The following DAGLA variants were observed in gnomAD, a reference collection of about 807,000 sequenced individuals.
DAGLA encodes the protein diacylglycerol lipase-alpha.
DAGLA carries 22 observed loss-of-function variants against 102.6 expected under a neutral mutation model. That is an observed-to-expected ratio of 0.21 (90% confidence interval 0.15 to 0.31). DAGLA has a LOEUF of 0.31. DAGLA is among the 10% of genes least tolerant of loss of function. The probability of loss-of-function intolerance (pLI) is 1.00; values close to 1 mark genes in which losing one functional copy is unlikely to be tolerated. For missense variants in DAGLA, 927 were observed against 1,446.6 expected, an observed-to-expected ratio of 0.64 and a Z score of 5.83; for synonymous variants, 578 against 628.9, an observed-to-expected ratio of 0.92 and a Z score of 1.21.
intron 1 of DAGLA, among the ~76,000 whole-genome samples, chr11:61,693,098 C>T (rs1418415835): frequency 6.6e-6 from 1 of 151,158 alleles, no homozygotes. Context: ...TCAGTTCAAG[C>T]CATTCTCCTG....
chr11:61,685,809 C>T (rs1375090531), intron 1 of DAGLA, among the ~76,000 whole-genome samples: 3 of 126,378 alleles, frequency 2.4e-5, no homozygotes, highest in East Asian at 2.7e-4. Context: ...CTGGCAGCAA[C>T]GGGGGCGGGT....
chr11:61,698,991 C>T (rs578134132), intron 1 of DAGLA, among the ~76,000 whole-genome samples: 2 of 152,300 alleles, frequency 1.3e-5, no homozygotes, highest in East Asian at 1.9e-4. Flanking sequence ...GCATGCAGAC[C>T]GCCTGCAGAG....
intron 6 of DAGLA, among the ~76,000 whole-genome samples, chr11:61,726,543 C>T (rs976572012): frequency 6.6e-6 from 1 of 152,230 alleles, no homozygotes; most frequent in African/African-American, 2.4e-5. Flanking sequence ...CAGGGCACTG[C>T]AGAAGGAAGA....
At position 61,737,763 on chromosome 11, in the gene DAGLA, C is replaced by T. The variant is rs369542610; in HGVS notation, c.1583+8C>T. The T allele has an allele frequency of 2.0e-5, 32 of 1,613,350 alleles. No homozygotes were observed. The highest frequency in any genetic ancestry group is 2.7e-5 in the African/African-American group (2 of 74,886). ...CAAAGACCTCGTCCCCAGGTGAGTCCTTGGCCCCGCTCCATGGTCCCTTGC... is the reference window on the plus strand; with the variant it reads ...CAAAGACCTCGTCCCCAGGTGAGTCTTTGGCCCCGCTCCATGGTCCCTTGC... On this transcript the variant is annotated splice_region_variant and intron_variant, in intron 15 of 19. Transcript: ENST00000257215.
intron 1 of DAGLA, among the ~76,000 whole-genome samples, chr11:61,713,429 G>A (rs925552700): frequency 6.6e-6 from 1 of 152,180 alleles, no homozygotes; most frequent in Non-Finnish European, 1.5e-5. Context: ...GATGTGCGCC[G>A]AGACCTTGTA....
At chr11:61,707,430 G>A (rs1261465447) in intron 1 of DAGLA, among the ~76,000 whole-genome samples, 3 of 152,246 alleles carry the variant, frequency 2.0e-5, no homozygotes, top group African/African-American at 7.2e-5. Context: ...CCTCATCGTG[G>A]AGGCCTGTTC....
intron 1 of DAGLA, among the ~76,000 whole-genome samples, chr11:61,689,666 G>A (rs1265596701): frequency 1.9e-5 from 2 of 105,524 alleles, no homozygotes; most frequent in Non-Finnish European, 2.2e-5. Context: ...CACCACGCCC[G>A]GCTAATTTTT....
intron 2 of DAGLA, 151 bp from the exon 3 acceptor site, chr11:61,720,528 T>A: frequency 1.3e-6 from 1 of 762,154 alleles, no homozygotes; most frequent in Non-Finnish European, 2.2e-6. Context: ...TTCTAGGCAT[T>A]CGATGCCAGG....
In DAGLA at chr11:61,733,588, A is replaced by G. The variant is rs112348089; in HGVS notation, c.975-1261A>G. On this transcript the variant is annotated intron_variant, in intron 9 of 19. Coordinates refer to ENST00000257215, the MANE Select transcript of DAGLA (RefSeq NM_006133.3). ...GGGCTCCAGCGTCTGGTGCCTTAGCAGTTGGATGCTGGCTCCCTCTGGTGG... is the reference window on the plus strand; with the variant it reads ...GGGCTCCAGCGTCTGGTGCCTTAGCGGTTGGATGCTGGCTCCCTCTGGTGG... Among the ~76,000 whole-genome samples the G allele has an allele frequency of 1.2e-3, 188 of 152,324 alleles. 2 individuals are homozygous for G. Among genetic ancestry groups the G allele is most frequent in the African/African-American group, 4.3e-3 (179 of 41,588 alleles).
intron 1 of DAGLA, among the ~76,000 whole-genome samples, chr11:61,717,438 G>A (rs1213054953): frequency 1.3e-5 from 2 of 152,136 alleles, no homozygotes; most frequent in Non-Finnish European, 2.9e-5. Flanking sequence ...GGGGTGGCTG[G>A]TCCAGCAAGG....
In DAGLA at chr11:61,734,840, C is replaced by A; in HGVS notation, c.975-9C>A. The A allele has an allele frequency of 6.2e-7, 1 of 1,609,156 alleles. No homozygotes were observed. Among genetic ancestry groups the A allele is most frequent in the Non-Finnish European group, 8.5e-7 (1 of 1,176,196 alleles). On this transcript the variant is annotated splice_polypyrimidine_tract_variant and intron_variant, in intron 9 of 19. Transcript: ENST00000257215. The surrounding 1 kb of genome is among the most constrained non-coding windows in gnomAD (Gnocchi z 4.2). The stretch of plus-strand genomic sequence containing the variant: ...CCTGGCCCTGAACTCTCTTGTCACC[C>A]CACCCTAGGTGTTGCCTGTGTCCTG...
chr11:61,713,376 A>G (rs580089), intron 1 of DAGLA, among the ~76,000 whole-genome samples: 121,411 of 152,180 alleles, frequency 0.8, 51,039 homozygotes, highest in East Asian at 0.98. Context: ...ACCTCACAGA[A>G]CTGTTATGAG....
intron 4 of DAGLA, 95 bp downstream of exon 4, chr11:61,723,055 G>A: frequency 1.9e-6 from 2 of 1,036,140 alleles, no homozygotes; most frequent in Non-Finnish European, 3.0e-6. Flanking sequence ...CATTGCCAGA[G>A]GGCAGTGCCT....
chr11:61,719,706 C>A (rs184501516), intron 1 of DAGLA, among the ~76,000 whole-genome samples: 1 of 152,212 alleles, frequency 6.6e-6, no homozygotes, highest in African/African-American at 2.4e-5. Context: ...CTGGGAAGCC[C>A]CTCCCTTGAC....
rs2065468597 is a variant in DAGLA at position 61,740,523 on chromosome 11, T to C, written c.1914T>C (p.Asn638=). Residue 638 remains asparagine, a synonymous_variant, in exon 18 of 20, where the codon AAT becomes AAC. Transcript: ENST00000257215. ...FAIWGDNKAF[N]EVIISPAMLH... The stretch of plus-strand genomic sequence containing the variant: ...TCTGGGGCGACAACAAGGCCTTCAA[T>C]GAGGTGATCATCTCGCCAGCCATGC... The C allele has an allele frequency of 1.2e-6, 2 of 1,613,750 alleles. No homozygotes were observed. The highest frequency in any genetic ancestry group is 1.7e-6 in the Non-Finnish European group (2 of 1,179,980).
intron 1 of DAGLA, among the ~76,000 whole-genome samples, chr11:61,691,137 T>C (rs2065021499): frequency 6.6e-6 from 1 of 152,084 alleles, no homozygotes; most frequent in South Asian, 2.1e-4. Context: ...CTTTAATCCC[T>C]CCCTTCCCCA....
intron 1 of DAGLA, among the ~76,000 whole-genome samples, chr11:61,691,252 A>G (rs1387560305): frequency 6.6e-6 from 1 of 152,194 alleles, no homozygotes; most frequent in African/African-American, 2.4e-5. Flanking sequence ...GGTGTAATGA[A>G]CTCCCATCAT....
At chr11:61,725,065 G>A (rs1366405496) in intron 5 of DAGLA, among the ~76,000 whole-genome samples, 1 of 152,190 alleles carries the variant, frequency 6.6e-6, no homozygotes, top group Non-Finnish European at 1.5e-5. Context: ...TTGATGTTAA[G>A]TGCCTTGAAT....
chr11:61,689,014 T>C (rs1191115923), intron 1 of DAGLA, among the ~76,000 whole-genome samples: 1 of 152,258 alleles, frequency 6.6e-6, no homozygotes, highest in Non-Finnish European at 1.5e-5. Context: ...GGGCAAGGCA[T>C]GCCTGCCATC....
Sources: gnomAD v4.1 joint callset for allele counts (sites outside exome capture counted in the v4.1 genomes callset) on GRCh38, gnomAD v4.1.1 for gene constraint, Gnocchi (gnomAD v3.1) non-coding constraint, MANE v1.5 for transcripts, NCBI Gene and HGNC (gene_info 2026-07-23, HGNC 2026-07-21) for gene names.